IQSEC1: variants seen among roughly 807,000 people sequenced by gnomAD.
IQSEC1 encodes the protein IQ motif and SEC7 domain-containing protein 1.
IQSEC1 carries 31 observed loss-of-function variants against 91.0 expected under a neutral mutation model. The observed-to-expected ratio is 0.34, with a 90% CI of 0.26 to 0.46. The LOEUF (loss-of-function observed/expected upper bound fraction) is 0.46. IQSEC1 is among the 20% of genes least tolerant of loss of function. The pLI, the probability that IQSEC1 is intolerant of heterozygous loss-of-function variation, is 1.00. For missense variants in IQSEC1, 1,388 were observed against 1,575.6 expected, an observed-to-expected ratio of 0.88 and a Z score of 2.02; for synonymous variants, 699 against 662.6, an observed-to-expected ratio of 1.05 and a Z score of -0.84.
intron 1 of IQSEC1, among the ~76,000 whole-genome samples, chr3:13,038,878 T>C (rs1025064386): frequency 2.0e-5 from 3 of 152,172 alleles, no homozygotes; most frequent in African/African-American, 7.2e-5. Context: ...CCCATAAATA[T>C]ATACACTTAC....
Position 12,967,794 on chromosome 3 carries a change from G to A in IQSEC1, c.24-25929C>T, listed in dbSNP as rs1045010317. The A allele has an allele frequency of 1.5e-6, 1 of 664,088 alleles. No homozygotes were observed. Among genetic ancestry groups the A allele is most frequent in the South Asian group, 6.6e-5 (1 of 15,142 alleles). The allele number at this position is 664,088 out of a possible 1,614,324, so 41.1% of individuals were successfully genotyped here. A position where few individuals can be genotyped will look rare whatever the true frequency, so the allele number is the denominator to read the frequency against. On this transcript the variant is annotated intron_variant, in intron 1 of 13. Coordinates refer to ENST00000613206, the MANE Select transcript of IQSEC1 (RefSeq NM_001134382.3). The surrounding 1 kb of genome is among the most constrained non-coding windows in gnomAD (Gnocchi z 5.9). ...GGGGGCGGGGCCGGAGGGCGAGCTGGGGGCGGGGCTGCGCGCGGGGGCGAG... is the reference window on the plus strand; with the variant it reads ...GGGGGCGGGGCCGGAGGGCGAGCTGAGGGCGGGGCTGCGCGCGGGGGCGAG...
intron 1 of IQSEC1, among the ~76,000 whole-genome samples, chr3:13,194,127 A>C (rs1041304255): frequency 1.3e-5 from 2 of 152,066 alleles, no homozygotes; most frequent in Middle Eastern, 3.4e-3. Context: ...CCACGAGCTC[A>C]TTTCCCCTTA....
rs185845758 is a variant in IQSEC1 at position 13,267,360 on chromosome 3, C to T, written c.272+15351G>A. ...CATTTGTTATGGCAGCCTGAACAGC[C>T]GAGGACAGACCTGGTACCAGTTCAG... On this transcript the variant is annotated intron_variant, in intron 1 of 15. Coordinates refer to the IQSEC1 transcript ENST00000648114. Among the ~76,000 whole-genome samples the T allele has an allele frequency of 4.6e-4, 70 of 152,208 alleles. 1 individual carries two copies. Among genetic ancestry groups the T allele is most frequent in the African/African-American group, 1.4e-3 (59 of 41,530 alleles).
intron 13 of IQSEC1, 74 bp downstream of exon 13, chr3:12,902,695 CCAGG>C: frequency 4.0e-6 from 1 of 249,236 alleles, no homozygotes; most frequent in Non-Finnish European, 6.9e-6. Flanking sequence ...AAAAAAAAAA[CCAGG>C]ACAACAGATA....
At chr3:13,165,535 G>GGT (rs1470204790) in intron 1 of IQSEC1, among the ~76,000 whole-genome samples, 29 of 89,032 alleles carry the variant, frequency 3.3e-4, no homozygotes, top group South Asian at 4.7e-4. Flanking sequence ...GTGGGGGGGT[G>GGT]GCGTGTGTGT....
Position 13,103,147 on chromosome 3 carries a change from T to C in IQSEC1, c.303-55625A>G, listed in dbSNP as rs539400404. Among the ~76,000 whole-genome samples the C allele has an allele frequency of 2.6e-5, 4 of 152,072 alleles. No individual in the cohort carries two copies. The highest frequency in any genetic ancestry group is 2.0e-4 in the Admixed American group (3 of 15,284). The stretch of plus-strand genomic sequence containing the variant: ...TGCCCCAGCCCCTCCCTGGCCCATG[T>C]CCCCGGCTGGCCCCAGGCAGGTCAG... On this transcript the variant is annotated intron_variant, in intron 2 of 15. Transcript: ENST00000648114. The surrounding 1 kb of genome is among the most constrained non-coding windows in gnomAD (Gnocchi z 4.1).
Position 12,913,615 on chromosome 3 carries a change from C to A in IQSEC1, c.2191-62G>T, listed in dbSNP as rs142015198. 213 of 1,544,058 alleles carry A rather than the reference C, an allele frequency of 1.4e-4. No individual in the cohort carries two copies. In the African/African-American group the frequency reaches 2.1e-3, roughly 15 times the overall value. ...GCTCTCCTCTAGGAGCCCTGGGGGCCGCAGTGGAGAAGTCTAGCCCTTCAA... is the reference window on the plus strand; with the variant it reads ...GCTCTCCTCTAGGAGCCCTGGGGGCAGCAGTGGAGAAGTCTAGCCCTTCAA... On this transcript the variant is annotated intron_variant, in intron 8 of 13. Coordinates refer to ENST00000613206, the MANE Select transcript of IQSEC1 (RefSeq NM_001134382.3).
intron 1 of IQSEC1, among the ~76,000 whole-genome samples, chr3:13,210,858 T>G (rs1694430997): frequency 6.6e-6 from 1 of 152,106 alleles, no homozygotes; most frequent in African/African-American, 2.4e-5. Context: ...GCCATCCACA[T>G]GGAGGGCACG....
chr3:13,113,807 G>A lies in IQSEC1; in HGVS notation c.302+50297C>T, dbSNP rs575348893. 1.9e-4 allele frequency among the ~76,000 whole-genome samples: 29 copies of A among 152,336 alleles called. 1 individual carries two copies. In the South Asian group the frequency reaches 5.0e-3, roughly 26 times the overall value. On this transcript the variant is annotated intron_variant, in intron 2 of 15. Coordinates refer to the IQSEC1 transcript ENST00000648114. ...CATCCCGTCTTGGTGGCTACAACAC[G>A]GAACTGTTCACACGTGTGCCTAGCT...
intron 2 of IQSEC1, among the ~76,000 whole-genome samples, chr3:13,096,962 G>A (rs984043189): frequency 6.6e-5 from 10 of 151,226 alleles, no homozygotes; most frequent in African/African-American, 1.9e-4. Context: ...CAGGGTTCAC[G>A]CCATTCTCCT....
intron 1 of IQSEC1, among the ~76,000 whole-genome samples, chr3:13,051,869 C>T (rs780181219): frequency 2.6e-5 from 4 of 152,038 alleles, no homozygotes; most frequent in Non-Finnish European, 5.9e-5. Context: ...GACGCTTGGG[C>T]CCTAATGCAG....
chr3:13,136,008 T>A (rs1559262240), intron 2 of IQSEC1, among the ~76,000 whole-genome samples: 1 of 152,214 alleles, frequency 6.6e-6, no homozygotes, highest in Non-Finnish European at 1.5e-5. Context: ...ACTACCCTGC[T>A]GGGCGGTGCA....
chr3:13,067,491 G>A (rs1394689888), intron 1 of IQSEC1, among the ~76,000 whole-genome samples: 1 of 152,262 alleles, frequency 6.6e-6, no homozygotes, highest in African/African-American at 2.4e-5. Context: ...ATGCCACAGT[G>A]GCAGTGACCA....
In IQSEC1 at chr3:12,909,703, G is replaced by A. The variant is rs1695382569; in HGVS notation, c.2417-269C>T. 6.6e-6 allele frequency among the ~76,000 whole-genome samples: 1 copy of A among 152,244 alleles called. No individual in the cohort carries two copies. Among genetic ancestry groups the A allele is most frequent in the South Asian group, 2.1e-4 (1 of 4,832 alleles). ...GCTGCTGGGGCCGCGTCCTGGAGGAGGACAGAGGTTGCGTCCTGAGAAAGG... is the reference window on the plus strand; with the variant it reads ...GCTGCTGGGGCCGCGTCCTGGAGGAAGACAGAGGTTGCGTCCTGAGAAAGG... On this transcript the variant is annotated intron_variant, in intron 10 of 13. Coordinates refer to ENST00000613206, the MANE Select transcript of IQSEC1 (RefSeq NM_001134382.3). The surrounding 1 kb of genome is among the most constrained non-coding windows in gnomAD (Gnocchi z 4.9).
chr3:13,178,681 A>G (rs2125013590), intron 1 of IQSEC1, among the ~76,000 whole-genome samples: 1 of 152,364 alleles, frequency 6.6e-6, no homozygotes, highest in East Asian at 1.9e-4. Flanking sequence ...CTGAAAAGAA[A>G]GCAAACATGA....
chr3:13,250,621 T>A (rs1271063959), intron 1 of IQSEC1, among the ~76,000 whole-genome samples: 24 of 151,044 alleles, frequency 1.6e-4, no homozygotes, highest in African/African-American at 3.4e-4. Flanking sequence ...TATTTTATTT[T>A]ATTTTATTTT....
chr3:13,096,892 G>A (rs932317390), intron 2 of IQSEC1, among the ~76,000 whole-genome samples: 5 of 141,322 alleles, frequency 3.5e-5, no homozygotes, highest in Non-Finnish European at 7.5e-5. Context: ...ATGGAGTCTC[G>A]CTCTGTTGCC....
chr3:13,071,734 C>T (rs1042281415), intron 1 of IQSEC1, among the ~76,000 whole-genome samples: 4 of 151,540 alleles, frequency 2.6e-5, no homozygotes, highest in African/African-American at 4.9e-5. Flanking sequence ...CAGAGGCCAC[C>T]GCCATCCCCC....
intron 1 of IQSEC1, among the ~76,000 whole-genome samples, chr3:13,050,943 G>T (rs1438522258): frequency 1.3e-5 from 2 of 152,056 alleles, no homozygotes; most frequent in Non-Finnish European, 2.9e-5. Flanking sequence ...TATATTAATA[G>T]ATATTTGTTA....
Sources: gnomAD v4.1 joint callset for allele counts (sites outside exome capture counted in the v4.1 genomes callset) on GRCh38, gnomAD v4.1.1 for gene constraint, Gnocchi (gnomAD v3.1) non-coding constraint, MANE v1.5 for transcripts, NCBI Gene and HGNC (gene_info 2026-07-23, HGNC 2026-07-21) for gene names.